The following SLC26A8 variants were observed in gnomAD, a reference collection of about 807,000 sequenced individuals.
SLC26A8 encodes the protein solute carrier family 26 member 8, also known as testis anion transporter 1.
A neutral mutation model predicts 105.0 loss-of-function variants in SLC26A8; 70 were observed. The observed-to-expected ratio is 0.67, with a 90% confidence interval of 0.55 to 0.81. The LOEUF is 0.81. Among genes scored for constraint, SLC26A8 ranks in the 40% least tolerant of loss-of-function variants. The pLI is 0.00. For missense variants in SLC26A8, 998 were observed against 1,181.8 expected (o/e 0.84, Z 2.28); for synonymous variants, 415 against 438.3 (o/e 0.95, Z 0.66).
intron 10 of SLC26A8, 82 bp from the exon 11 acceptor site, chr6:35,969,036 G>T: frequency 8.2e-7 from 1 of 1,224,594 alleles, no homozygotes; most frequent in Non-Finnish European, 1.2e-6. Flanking sequence ...TGCTTGGTGA[G>T]AAGCATGTCA....
chr6:36,001,831 C>G (rs140790249), intron 3 of SLC26A8, among the ~76,000 whole-genome samples: 1 of 152,290 alleles, frequency 6.6e-6, no homozygotes, highest in East Asian at 1.9e-4. Context: ...GGGAGGAACT[C>G]AGGCCTGCCA....
chr6:35,959,767 T>C lies in SLC26A8; in HGVS notation c.1678A>G (p.Ser560Gly). The C allele has an allele frequency of 3.1e-6, 5 of 1,609,646 alleles. No homozygotes were observed. Among genetic ancestry groups the C allele is most frequent in the Non-Finnish European group, 4.2e-6 (5 of 1,179,084 alleles). The change falls in exon 15 of 20, where the codon AGC becomes GGC. Residue 560 changes from serine to glycine, a missense_variant. Coordinates refer to ENST00000490799, the MANE Select transcript of SLC26A8 (RefSeq NM_052961.4). ...TAAACATTTACAAATGTAATTGAGC[T>C]GCAGCACTGGAAGATTTTCACCCCA... The part of the protein sequence containing the change: ...IPGVKIFQCC[S>G]SITFVNVYYL...
intron 5 of SLC26A8, among the ~76,000 whole-genome samples, chr6:35,997,424 A>T (rs1761385360): frequency 6.6e-6 from 1 of 152,168 alleles, no homozygotes; most frequent in Non-Finnish European, 1.5e-5. Context: ...TTCTTTTGCA[A>T]CTGGTCCCCG....
rs947511316 is a variant in SLC26A8, at chr6:35,978,046, A to G, written c.1026-695T>C. On this transcript the variant is annotated intron_variant, in intron 8 of 19. Coordinates refer to ENST00000490799, the MANE Select transcript of SLC26A8 (RefSeq NM_052961.4). ...GGTTGCAGTGAGCAGAGATTGTGCC[A>G]CTGCACTCTAGCCTGGGTGATAGAG... is the stretch of plus-strand genomic sequence containing the variant. 2.7e-5 allele frequency among the ~76,000 whole-genome samples: 4 copies of G among 149,966 alleles called. No homozygotes were observed. In the South Asian group the frequency reaches 6.3e-4, roughly 24 times the overall value.
In SLC26A8 at chr6:36,019,624, T is replaced by G; in HGVS notation, c.84A>C (p.Glu28Asp). 2 of 1,614,188 alleles carry G rather than the reference T, an allele frequency of 1.2e-6. No individual in the cohort carries two copies. The highest frequency in any genetic ancestry group is 1.7e-6 in the Non-Finnish European group (2 of 1,180,038). Residue 28 changes from glutamate to aspartate, a missense_variant, in exon 2 of 20, where the codon GAA becomes GAC. Glu to Asp is a conservative substitution (Grantham distance 45). Coordinates refer to ENST00000490799, the MANE Select transcript of SLC26A8 (RefSeq NM_052961.4). ...RNSFAYDVKR[E>D]VYNEETFQQE... ...GTTGAAAGGTCTCCTCATTGTATAC[T>G]TCACGCTTAACATCATATGCGAATG...
intron 3 of SLC26A8, among the ~76,000 whole-genome samples, chr6:36,003,308 G>A (rs937207910): frequency 6.6e-6 from 1 of 152,156 alleles, no homozygotes. Flanking sequence ...GTCATTAACA[G>A]CCTGTCTCTG....
chr6:35,962,467 C>T (rs1772344868), intron 12 of SLC26A8, 59 bp downstream of exon 12: 2 of 1,366,784 alleles, frequency 1.5e-6, no homozygotes, highest in Non-Finnish European at 1.0e-6. Context: ...TTTGTTCTTT[C>T]TCCCTCTCTC....
rs1221377223 is a variant in SLC26A8 at position 35,992,505 on chromosome 6, C to T, written c.792+5G>A. 1.9e-6 allele frequency: 3 copies of T among 1,607,316 alleles called. No individual in the cohort carries two copies. In the African/African-American group the frequency reaches 4.0e-5, roughly 22 times the overall value. On this transcript the variant is annotated splice_donor_5th_base_variant and intron_variant, in intron 6 of 19. Transcript: ENST00000490799. ...TAACTCTGGGTAAGAGTTGAAATTA[C>T]TCACATAGAAGAAGGAGATGGGACC...
intron 11 of SLC26A8, among the ~76,000 whole-genome samples, chr6:35,967,462 GAGA>G (rs1260293580): frequency 6.6e-6 from 1 of 152,230 alleles, no homozygotes; most frequent in Non-Finnish European, 1.5e-5. Flanking sequence ...AACCTAAGAA[GAGA>G]AGGATTATAG....
intron 17 of SLC26A8, among the ~76,000 whole-genome samples, chr6:35,953,444 T>C (rs1771948597): frequency 6.6e-6 from 1 of 152,208 alleles, no homozygotes; most frequent in Non-Finnish European, 1.5e-5. Flanking sequence ...TAGGGGAAAG[T>C]ATGGCCTGTC....
At position 35,977,566 on chromosome 6, in the gene SLC26A8, C is replaced by T. The variant is rs9470185; in HGVS notation, c.1026-215G>A. On this transcript the variant is annotated intron_variant, in intron 8 of 19. Transcript: ENST00000490799. ...TGAGAGAACATGTTGTTGTGTTTTGCAGTTCAATGTTTCTGCCAGGTAGCA... is the reference window on the plus strand; with the variant it reads ...TGAGAGAACATGTTGTTGTGTTTTGTAGTTCAATGTTTCTGCCAGGTAGCA... Among the ~76,000 whole-genome samples the T allele has an allele frequency of 0.42, 63,448 of 151,814 alleles. 14,864 individuals carry two copies. The highest frequency in any genetic ancestry group is 0.64 in the African/African-American group (26,511 of 41,378).
At position 35,997,805 on chromosome 6, in the gene SLC26A8, T is replaced by C; in HGVS notation, c.560A>G (p.Tyr187Cys). 1 of 1,613,924 alleles carries C rather than the reference T, an allele frequency of 6.2e-7. No individual in the cohort carries two copies. Among genetic ancestry groups the C allele is most frequent in the Non-Finnish European group, 8.5e-7 (1 of 1,179,984 alleles). Residue 187 changes from tyrosine to cysteine, a missense_variant, in exon 5 of 20, where the codon TAC becomes TGC. By Grantham distance (194) the Tyr-to-Cys change is radical. Coordinates refer to ENST00000490799, the MANE Select transcript of SLC26A8 (RefSeq NM_052961.4). ...FVKNEFSAPS[Y>C]LMGYNKSLSV... The stretch of plus-strand genomic sequence containing the variant: ...CAAGGATTTATTATAGCCCATAAGG[T>C]AGGAGGGGGCCGAAAACTCATTCTT...
chr6:35,974,275 G>A (rs1042885388), intron 10 of SLC26A8, among the ~76,000 whole-genome samples: 6 of 152,170 alleles, frequency 3.9e-5, no homozygotes, highest in African/African-American at 1.4e-4. Context: ...CCGAGATCGC[G>A]TCACTGCACT....
intron 9 of SLC26A8, among the ~76,000 whole-genome samples, chr6:35,976,610 G>A (rs1441081023): frequency 4.1e-5 from 6 of 146,278 alleles, no homozygotes; most frequent in East Asian, 2.0e-4. Context: ...GCGCGGTCTC[G>A]GCTCGCTGCA....
At chr6:35,991,632 T>TGGG in intron 7 of SLC26A8, 27 bp downstream of exon 7, 1 of 1,488,990 alleles carries the variant, frequency 6.7e-7, no homozygotes, top group South Asian at 1.4e-5. Context: ...ATGCAAACTA[T>TGGG]GAATTTGAGA....
chr6:35,967,608 G>A (rs979553849), intron 11 of SLC26A8, among the ~76,000 whole-genome samples: 5 of 152,192 alleles, frequency 3.3e-5, no homozygotes, highest in Admixed American at 3.3e-4. Flanking sequence ...GCCTTCTAGT[G>A]TTGTGAACTA....
At position 35,959,699 on chromosome 6, in the gene SLC26A8, C is replaced by T. The variant is rs377547437; in HGVS notation, c.1731+15G>A. 1.2e-6 allele frequency: 2 copies of T among 1,604,054 alleles called. No homozygotes were observed. The highest frequency in any genetic ancestry group is 1.1e-5 in the South Asian group (1 of 89,260). On this transcript the variant is annotated intron_variant, in intron 15 of 19. Transcript: ENST00000490799. ...GAGTGGGCAGGTTGAGAAAGGCGGG[C>T]AGGAGGGCAGATACCTCTTTTAACA...
chr6:35,982,045 A>G, intron 8 of SLC26A8, 76 bp downstream of exon 8: 1 of 1,450,192 alleles, frequency 6.9e-7, no homozygotes, highest in South Asian at 1.2e-5. Context: ...AGAAAATATC[A>G]ATCAGGCTGT....
Position 35,997,624 on chromosome 6 carries a change from A to G in SLC26A8, c.627+114T>C, listed in dbSNP as rs114076187. ...CAGCCTCTGATTTTTCAAAAAATAA[A>G]TCACTGAAGTTCCAGGTATATCACA... On this transcript the variant is annotated intron_variant, in intron 5 of 19. Transcript: ENST00000490799. 3,983 of 1,091,502 alleles carry G rather than the reference A, an allele frequency of 3.6e-3. 76 individuals are homozygous for G. In the African/African-American group the frequency reaches 0.049, roughly 13 times the overall value. 67.6% of individuals were successfully genotyped at this position (1,091,502 alleles called of 1,614,324 possible). A position where few individuals can be genotyped will look rare whatever the true frequency, so the allele number is the denominator to read the frequency against.
Sources: allele counts gnomAD v4.1 joint callset (sites outside exome capture counted in the v4.1 genomes callset), GRCh38; gene constraint gnomAD v4.1.1; transcripts MANE v1.5; gene names NCBI Gene and HGNC (gene_info 2026-07-23, HGNC 2026-07-21).